KCNQ3: variants seen among roughly 807,000 people sequenced by gnomAD.
The protein encoded by KCNQ3 is potassium voltage-gated channel subfamily KQT member 3.
In KCNQ3, 30 loss-of-function variants were observed where a neutral mutation model predicts 92.5. The observed-to-expected ratio is 0.32, with a 90% confidence interval of 0.24 to 0.44. The LOEUF (loss-of-function observed/expected upper bound fraction) is 0.44. Ranked by LOEUF, KCNQ3 falls within the 20% of genes least tolerant of loss-of-function variation. The pLI, the probability that KCNQ3 is intolerant of heterozygous loss-of-function variation, is 1.00. For synonymous variants in KCNQ3, 450 were observed against 468.8 expected (o/e 0.96, Z 0.52); for missense variants, 913 against 1,140.3 (o/e 0.80, Z 2.87).
At chr8:132,370,338 T>C (rs767948925) in intron 1 of KCNQ3, among the ~76,000 whole-genome samples, 2 of 152,100 alleles carry the variant, frequency 1.3e-5, no homozygotes, top group African/African-American at 2.4e-5. Flanking sequence ...GAATGAGCAA[T>C]TGAAACTTCT....
At chr8:132,300,647 G>A (rs1817184174) in intron 1 of KCNQ3, among the ~76,000 whole-genome samples, 1 of 152,150 alleles carries the variant, frequency 6.6e-6, no homozygotes, top group South Asian at 2.1e-4. Context: ...GAATAGCTAT[G>A]TTTTCCAAAA....
intron 1 of KCNQ3, chr8:132,278,312 AAAG>A (rs1201545121): frequency 1.8e-6 from 1 of 560,040 alleles, no homozygotes; most frequent in Non-Finnish European, 2.3e-6. Flanking sequence ...AAGGAAAAAA[AAAG>A]AAGAAAAATG....
At chr8:132,166,200 TC>T (rs1826138324) in intron 8 of KCNQ3, among the ~76,000 whole-genome samples, 1 of 152,190 alleles carries the variant, frequency 6.6e-6, no homozygotes, top group African/African-American at 2.4e-5. Flanking sequence ...AAAAATCTGT[TC>T]CTCAATTGCA....
chr8:132,176,621 G>A (rs1331098975), intron 4 of KCNQ3, among the ~76,000 whole-genome samples: 1 of 152,286 alleles, frequency 6.6e-6, no homozygotes, highest in Non-Finnish European at 1.5e-5. Context: ...TGACAGGGTT[G>A]CTTCCTGCCT....
At chr8:132,307,396 T>TA (rs1428053271) in intron 1 of KCNQ3, among the ~76,000 whole-genome samples, 4 of 152,226 alleles carry the variant, frequency 2.6e-5, no homozygotes, top group Admixed American at 1.3e-4. Context: ...ACCCCAGTGA[T>TA]AAGTCATAAA....
At chr8:132,303,677 T>TATATATATAC (rs376933089) in intron 1 of KCNQ3, among the ~76,000 whole-genome samples, 2 of 85,990 alleles carry the variant, frequency 2.3e-5, no homozygotes, top group African/African-American at 9.0e-5. Flanking sequence ...TATATATATA[T>TATATATATAC]ACACACACAC....
At chr8:132,381,914 G>C (rs1819762352) in intron 1 of KCNQ3, among the ~76,000 whole-genome samples, 4 of 152,208 alleles carry the variant, frequency 2.6e-5, no homozygotes, top group African/African-American at 9.6e-5. Flanking sequence ...GAAACATCTT[G>C]AACATGTGGG....
intron 9 of KCNQ3, among the ~76,000 whole-genome samples, chr8:132,149,516 G>T (rs1468627618): frequency 6.6e-6 from 1 of 152,204 alleles, no homozygotes; most frequent in Non-Finnish European, 1.5e-5. Flanking sequence ...CAGAACATGG[G>T]ATCTGAGGAA....
chr8:132,194,331 T>G (rs1827246234), intron 1 of KCNQ3, among the ~76,000 whole-genome samples: 1 of 152,220 alleles, frequency 6.6e-6, no homozygotes, highest in Non-Finnish European at 1.5e-5. Flanking sequence ...TCAAACTGCG[T>G]GAGGATCCTA....
rs755333945 is a variant in KCNQ3 at position 132,480,481 on chromosome 8, C to A, written c.52G>T (p.Gly18Trp). 2 of 1,216,808 alleles carry A rather than the reference C, an allele frequency of 1.6e-6. No homozygotes were observed. The highest frequency in any genetic ancestry group is 2.0e-6 in the Non-Finnish European group (2 of 982,820). The allele number at this position is 1,216,808 out of a possible 1,614,324, so 75.4% of individuals were successfully genotyped here. Residue 18 changes from glycine (G) to tryptophan (W), a missense_variant, in exon 1 of 15, where the codon GGG becomes TGG. Transcript: ENST00000388996. Reference sequence around the variant, plus strand: ...GCCGCCCCGCCGCCTCCGCCGCCCCCGTCGCCGCCGCCGCCAGCCGCCCCC... The same window carrying A: ...GCCGCCCCGCCGCCTCCGCCGCCCCAGTCGCCGCCGCCGCCAGCCGCCCCC... Reference protein sequence around the residue: ...AAGAAGGGGDGGGGGGGAANP... With the variant: ...AAGAAGGGGDWGGGGGGAANP...
At chr8:132,368,920 T>G (rs970475874) in intron 1 of KCNQ3, among the ~76,000 whole-genome samples, 1 of 151,804 alleles carries the variant, frequency 6.6e-6, no homozygotes. Flanking sequence ...ACTGACCCTT[T>G]TTTCTGATCC....
intron 4 of KCNQ3, among the ~76,000 whole-genome samples, chr8:132,178,776 G>A (rs771301089): frequency 4.0e-5 from 6 of 151,748 alleles, no homozygotes; most frequent in Non-Finnish European, 8.8e-5. Context: ...GCTACAGGTG[G>A]CATGGTCACG....
intron 1 of KCNQ3, among the ~76,000 whole-genome samples, chr8:132,359,963 C>T (rs563630321): frequency 3.9e-5 from 6 of 152,298 alleles, no homozygotes; most frequent in African/African-American, 1.4e-4. Context: ...GGATCTGATA[C>T]AGATTTAGTT....
Position 132,125,153 on chromosome 8 carries a change from C to G in KCNQ3, c.*4109G>C, listed in dbSNP as rs934044980. ...TCTCCAACAATCTTCCTCAGATTCC[C>G]TAGAATCCCCCCTTTTTGCACAGCT... On this transcript the variant is annotated 3_prime_UTR_variant, in exon 15 of 15. Transcript: ENST00000388996. 6.6e-6 allele frequency: 1 copy of G among 152,154 alleles called. No homozygotes were observed. The highest frequency in any genetic ancestry group is 1.5e-5 in the Non-Finnish European group (1 of 68,034). 9.4% of individuals were successfully genotyped at this position (152,154 alleles called of 1,614,324 possible). A position where few individuals can be genotyped will look rare whatever the true frequency, so the allele number is the denominator to read the frequency against.
chr8:132,310,252 C>CT (rs1181552591), intron 1 of KCNQ3, among the ~76,000 whole-genome samples: 5 of 152,318 alleles, frequency 3.3e-5, no homozygotes, highest in Middle Eastern at 6.8e-3. Flanking sequence ...GCTTTCACTG[C>CT]TGTTTTACTG....
intron 1 of KCNQ3, among the ~76,000 whole-genome samples, chr8:132,468,598 G>A (rs1822232774): frequency 6.6e-6 from 1 of 152,268 alleles, no homozygotes; most frequent in Non-Finnish European, 1.5e-5. Context: ...TGAACAGATG[G>A]CAGTGTTGCC....
At chr8:132,395,849 AGAG>A (rs1330175366) in intron 1 of KCNQ3, among the ~76,000 whole-genome samples, 1 of 152,180 alleles carries the variant, frequency 6.6e-6, no homozygotes, top group African/African-American at 2.4e-5. Flanking sequence ...ATCTCAGCAA[AGAG>A]GAGGAATGGA....
chr8:132,353,722 G>A (rs1442203337), intron 1 of KCNQ3, among the ~76,000 whole-genome samples: 1 of 152,086 alleles, frequency 6.6e-6, no homozygotes, highest in Non-Finnish European at 1.5e-5. Flanking sequence ...GCTGAGGCAG[G>A]AGAATCGCTT....
intron 1 of KCNQ3, among the ~76,000 whole-genome samples, chr8:132,202,845 CA>C (rs1827503993): frequency 6.6e-6 from 1 of 152,186 alleles, no homozygotes. Context: ...AGCCTCTGCC[CA>C]TTACCTAGTT....
Sources: allele counts gnomAD v4.1 joint callset (sites outside exome capture counted in the v4.1 genomes callset), GRCh38; gene constraint gnomAD v4.1.1; transcripts MANE v1.5; gene names NCBI Gene and HGNC (gene_info 2026-07-23, HGNC 2026-07-21).